Variants in CAMK2D observed in about 807,000 individuals in gnomAD.
The protein encoded by CAMK2D is calcium/calmodulin dependent protein kinase II delta, also known as calcium/calmodulin-dependent protein kinase type II subunit delta.
Under a neutral mutation model 84.0 loss-of-function variants are expected in CAMK2D, and 37 were observed. The ratio of observed to expected loss-of-function variants is 0.44; its 90% CI spans 0.34 to 0.58. CAMK2D has a LOEUF of 0.58. Ranked by LOEUF, CAMK2D falls within the 20% of genes least tolerant of loss-of-function variation. CAMK2D has a pLI of 0.02. For synonymous variants in CAMK2D, 202 were observed against 212.5 expected, an observed-to-expected ratio of 0.95 and a Z score of 0.43; for missense variants, 448 against 652.5, an observed-to-expected ratio of 0.69 and a Z score of 3.41.
At chr4:113,489,109 T>A (rs1489394838) in intron 16 of CAMK2D, among the ~76,000 whole-genome samples, 6 of 152,138 alleles carry the variant, frequency 3.9e-5, no homozygotes, top group Non-Finnish European at 7.4e-5. Flanking sequence ...ACTTAAAAAA[T>A]CAGCAGGTAG....
At chr4:113,588,896 A>T (rs2098846153) in intron 4 of CAMK2D, among the ~76,000 whole-genome samples, 1 of 152,146 alleles carries the variant, frequency 6.6e-6, no homozygotes, top group Non-Finnish European at 1.5e-5. Flanking sequence ...AAGAAAAAAA[A>T]AAAAAGCCAA....
At chr4:113,596,376 A>G (rs2098926657) in intron 4 of CAMK2D, among the ~76,000 whole-genome samples, 2 of 152,234 alleles carry the variant, frequency 1.3e-5, no homozygotes, top group Admixed American at 6.5e-5. Flanking sequence ...ACCTCCTGCC[A>G]TGAATAAGTA....
chr4:113,461,125 T>A (rs115247347), intron 17 of CAMK2D, among the ~76,000 whole-genome samples: 6,717 of 152,346 alleles, frequency 0.044, 212 homozygotes, highest in Non-Finnish European at 0.067. Context: ...TGTGTTTAAG[T>A]TTATTTTATT....
chr4:113,455,880 C>G lies in CAMK2D; in HGVS notation c.1536-59G>C, dbSNP rs1029784287. The G allele has an allele frequency of 3.8e-5, 38 of 1,004,960 alleles. No individual in the cohort carries two copies. In the African/African-American group the frequency reaches 5.7e-4, roughly 15 times the overall value. The allele number at this position is 1,004,960 out of a possible 1,614,324, so 62.3% of individuals were successfully genotyped here. On this transcript the variant is annotated intron_variant, in intron 19 of 20. Transcript: ENST00000511664. ...ATAAAATGAAGTTTTCTTGAATAGG[C>G]TTCATCCCATAAACACTTCAGGGAA...
chr4:113,513,764 C>A, intron 11 of CAMK2D, 66 bp downstream of exon 11: 1 of 731,832 alleles, frequency 1.4e-6, no homozygotes, highest in Non-Finnish European at 2.4e-6. Context: ...AGTTATTTTC[C>A]TCACACAGTA....
intron 2 of CAMK2D, among the ~76,000 whole-genome samples, chr4:113,688,574 C>A (rs1263274574): frequency 6.6e-6 from 1 of 152,142 alleles, no homozygotes; most frequent in Non-Finnish European, 1.5e-5. Flanking sequence ...AGATGGCTGT[C>A]CTATGAGGCA....
intron 8 of CAMK2D, among the ~76,000 whole-genome samples, chr4:113,530,474 A>T (rs1460543390): frequency 2.0e-5 from 3 of 152,134 alleles, no homozygotes; most frequent in Non-Finnish European, 4.4e-5. Context: ...TTGATTAGGG[A>T]TGTTCAACTT....
At chr4:113,513,967 G>C (rs1163365695) in intron 10 of CAMK2D, 54 bp from the exon 11 acceptor site, 1 of 765,284 alleles carries the variant, frequency 1.3e-6, no homozygotes, top group Non-Finnish European at 2.2e-6. Context: ...AACACACTAA[G>C]TATAATAATG....
intron 4 of CAMK2D, among the ~76,000 whole-genome samples, chr4:113,605,778 G>C (rs975493626): frequency 6.6e-6 from 1 of 152,094 alleles, no homozygotes; most frequent in African/African-American, 2.4e-5. Context: ...AGGCTGTGGG[G>C]GGAACCTGGA....
intron 2 of CAMK2D, among the ~76,000 whole-genome samples, chr4:113,691,091 T>A (rs576952060): frequency 6.6e-6 from 1 of 152,292 alleles, no homozygotes; most frequent in South Asian, 2.1e-4. Context: ...TCTGGATCTA[T>A]AACAACCAGA....
chr4:113,542,587 C>T (rs1249897422), intron 6 of CAMK2D, among the ~76,000 whole-genome samples: 6 of 151,914 alleles, frequency 3.9e-5, no homozygotes, highest in Admixed American at 3.3e-4. Flanking sequence ...TGGTGGCGGG[C>T]GCCTGTAGTC....
chr4:113,543,341 A>G (rs1301469518), intron 6 of CAMK2D, among the ~76,000 whole-genome samples: 1 of 151,928 alleles, frequency 6.6e-6, no homozygotes, highest in East Asian at 1.9e-4. Flanking sequence ...CCTTTCTGGG[A>G]AGAACATCAT....
chr4:113,752,176 C>T (rs1400142936), intron 2 of CAMK2D, among the ~76,000 whole-genome samples: 1 of 151,484 alleles, frequency 6.6e-6, no homozygotes, highest in East Asian at 1.9e-4. Flanking sequence ...GGAGAATGTT[C>T]TAGTTATTGA....
intron 12 of CAMK2D, 40 bp from the exon 13 acceptor site, chr4:113,509,715 T>C (rs2098184556): frequency 1.0e-5 from 15 of 1,476,378 alleles, no homozygotes; most frequent in Non-Finnish European, 1.4e-5. Context: ...GAGTTATCCA[T>C]AGAAACCCAC....
At chr4:113,756,228 A>AT in intron 2 of CAMK2D, among the ~76,000 whole-genome samples, 1 of 152,060 alleles carries the variant, frequency 6.6e-6, no homozygotes. Context: ...GGATGTGCAA[A>AT]TTTATGCAGG....
intron 4 of CAMK2D, among the ~76,000 whole-genome samples, chr4:113,570,530 A>G (rs558273771): frequency 9.8e-5 from 15 of 152,312 alleles, no homozygotes; most frequent in African/African-American, 3.1e-4. Flanking sequence ...CAAAGATGCC[A>G]AGAATACATA....
At chr4:113,619,994 G>GT (rs1401449541) in intron 3 of CAMK2D, among the ~76,000 whole-genome samples, 3 of 152,156 alleles carry the variant, frequency 2.0e-5, no homozygotes, top group African/African-American at 7.2e-5. Context: ...AGAGAACGTA[G>GT]TAAGTCAGTT....
At chr4:113,476,262 G>A (rs1459360462) in intron 16 of CAMK2D, among the ~76,000 whole-genome samples, 1 of 152,112 alleles carries the variant, frequency 6.6e-6, no homozygotes, top group Non-Finnish European at 1.5e-5. Context: ...GTAAATCTGT[G>A]TAAATTTACA....
Position 113,654,892 on chromosome 4 carries a change from T to C in CAMK2D, c.220+6821A>G, listed in dbSNP as rs916577392. 3.3e-5 allele frequency among the ~76,000 whole-genome samples: 5 copies of C among 151,868 alleles called. No homozygotes were observed. The East Asian group carries it at 5.8e-4, about 18-fold the overall frequency. On this transcript the variant is annotated intron_variant, in intron 3 of 20. Transcript: ENST00000511664. The stretch of plus-strand genomic sequence containing the variant: ...TATACTATATACAACATATATATCA[T>C]ATAGAATATATGATATTTGAAAGTT...
Sources: gnomAD v4.1 joint callset for allele counts (sites outside exome capture counted in the v4.1 genomes callset) on GRCh38, gnomAD v4.1.1 for gene constraint, MANE v1.5 for transcripts, NCBI Gene and HGNC (gene_info 2026-07-23, HGNC 2026-07-21) for gene names.